Variants in SEL1L2 observed in about 807,000 individuals in gnomAD.
The protein encoded by SEL1L2 is protein sel-1 homolog 2.
SEL1L2 carries 89 observed loss-of-function variants against 98.8 expected under a neutral mutation model. The observed-to-expected ratio is 0.90, with a 90% CI of 0.76 to 1.07. The LOEUF is 1.07. SEL1L2 is among the 50% of genes least tolerant of loss of function. The pLI is 0.00. For synonymous variants in SEL1L2, 262 were observed against 278.5 expected, an observed-to-expected ratio of 0.94 and a Z score of 0.59; for missense variants, 788 against 812.0, an observed-to-expected ratio of 0.97 and a Z score of 0.36.
intron 1 of SEL1L2, among the ~76,000 whole-genome samples, chr20:13,960,698 G>C (rs1163859964): frequency 6.6e-6 from 1 of 152,084 alleles, no homozygotes; most frequent in African/African-American, 2.4e-5. Flanking sequence ...GTGATTGCTA[G>C]AGATCTGCAC....
intron 14 of SEL1L2, among the ~76,000 whole-genome samples, chr20:13,867,275 G>C (rs1381586215): frequency 7.2e-5 from 11 of 152,128 alleles, no homozygotes; most frequent in Admixed American, 7.2e-4. Context: ...TATGCAGCAG[G>C]TAAATCCCAG....
intron 5 of SEL1L2, among the ~76,000 whole-genome samples, chr20:13,897,413 T>A (rs2047469337): frequency 6.6e-6 from 1 of 152,128 alleles, no homozygotes; most frequent in South Asian, 2.1e-4. Context: ...AGTGGGACTA[T>A]ACCAAACTTT....
intron 2 of SEL1L2, among the ~76,000 whole-genome samples, chr20:13,934,039 T>C (rs1296264992): frequency 6.7e-6 from 1 of 150,122 alleles, no homozygotes; most frequent in Non-Finnish European, 1.5e-5. Context: ...TCTTTCATGG[T>C]GATTTGTGAG....
chr20:13,876,500 G>A (rs150065327), intron 11 of SEL1L2, among the ~76,000 whole-genome samples: 1 of 150,152 alleles, frequency 6.7e-6, no homozygotes, highest in East Asian at 2.0e-4. Context: ...CAAATCGGCT[G>A]CAGGGAGCCA....
chr20:13,865,544 T>C, intron 15 of SEL1L2, 30 bp from the exon 16 acceptor site: 1 of 1,592,232 alleles, frequency 6.3e-7, no homozygotes. Context: ...TCAAGGAGAC[T>C]AGTTAGCCAG....
chr20:13,872,597 C>T (rs2046253978), intron 12 of SEL1L2, among the ~76,000 whole-genome samples: 1 of 151,630 alleles, frequency 6.6e-6, no homozygotes, highest in Admixed American at 6.6e-5. Flanking sequence ...TGAGAACGGA[C>T]TAATACAGAA....
intron 18 of SEL1L2, among the ~76,000 whole-genome samples, chr20:13,854,378 T>C (rs1988800566): frequency 6.6e-6 from 1 of 152,246 alleles, no homozygotes. Context: ...AAAAAGGTTG[T>C]CATATGTTTC....
At chr20:13,981,441 G>T (rs1253780464) in intron 1 of SEL1L2, among the ~76,000 whole-genome samples, 3 of 152,136 alleles carry the variant, frequency 2.0e-5, no homozygotes, top group Non-Finnish European at 2.9e-5. Context: ...TAAAATAGTA[G>T]ATTTCAAATG....
chr20:13,970,554 CG>C lies in SEL1L2; in HGVS notation c.59-14424del, dbSNP rs542568728. 3.6e-3 allele frequency among the ~76,000 whole-genome samples: 548 copies of C among 152,254 alleles called. 1 individual carries two copies. Among genetic ancestry groups the C allele is most frequent in the Non-Finnish European group, 6.7e-3 (453 of 68,030 alleles). ...ATGTTATATATAATACTGCCATGGC[CG>C]GATGCAGTGGCTCACGCCTCTAATC... On this transcript the variant is annotated intron_variant, in intron 1 of 19. Coordinates refer to ENST00000284951, the MANE Select transcript of SEL1L2 (RefSeq NM_025229.2).
At chr20:13,956,608 T>C (rs1168990583) in intron 1 of SEL1L2, among the ~76,000 whole-genome samples, 1 of 152,170 alleles carries the variant, frequency 6.6e-6, no homozygotes, top group Non-Finnish European at 1.5e-5. Flanking sequence ...CTGAGAAATG[T>C]AGACTGATAA....
At chr20:13,900,766 G>A (rs1372562623) in intron 5 of SEL1L2, among the ~76,000 whole-genome samples, 1 of 152,066 alleles carries the variant, frequency 6.6e-6, no homozygotes, top group Non-Finnish European at 1.5e-5. Flanking sequence ...CACTACCTCC[G>A]GTGTCCTCCT....
chr20:13,964,721 T>C (rs951000226), intron 1 of SEL1L2, among the ~76,000 whole-genome samples: 2 of 152,244 alleles, frequency 1.3e-5, no homozygotes, highest in East Asian at 3.9e-4. Flanking sequence ...TCCAAAGTGC[T>C]GGCGGCCATC....
In SEL1L2 at chr20:13,906,300, A is replaced by T. The variant is rs142606721; in HGVS notation, c.549+7482T>A. 1.8e-4 allele frequency among the ~76,000 whole-genome samples: 28 copies of T among 152,306 alleles called. 1 individual carries two copies. The East Asian group carries it at 4.2e-3, about 23-fold the overall frequency. ...AATATTTTACTGTACTTCAAAGTAAATTACTCAAGTTCCATAATAACAATT... is the reference window on the plus strand; with the variant it reads ...AATATTTTACTGTACTTCAAAGTAATTTACTCAAGTTCCATAATAACAATT... On this transcript the variant is annotated intron_variant, in intron 5 of 19. Transcript: ENST00000284951.
At chr20:13,964,446 CATTTTT>C (rs1340854918) in intron 1 of SEL1L2, among the ~76,000 whole-genome samples, 2 of 105,362 alleles carry the variant, frequency 1.9e-5, no homozygotes, top group Non-Finnish European at 3.7e-5. Context: ...GCTATCTCTT[CATTTTT>C]TTTTTTTTTT....
chr20:13,872,604 A>G (rs539459633), intron 12 of SEL1L2, among the ~76,000 whole-genome samples: 26 of 152,278 alleles, frequency 1.7e-4, no homozygotes, highest in Middle Eastern at 3.4e-3. Context: ...GGACTAATAC[A>G]GAAGGGAAGG....
intron 12 of SEL1L2, among the ~76,000 whole-genome samples, chr20:13,872,563 T>C (rs1417717977): frequency 1.3e-5 from 2 of 152,084 alleles, no homozygotes; most frequent in Admixed American, 1.3e-4. Flanking sequence ...TTACCCAGTC[T>C]TGGGTATGTC....
chr20:13,860,881 A>G (rs1171293990), intron 17 of SEL1L2, among the ~76,000 whole-genome samples: 1 of 152,102 alleles, frequency 6.6e-6, no homozygotes, highest in African/African-American at 2.4e-5. Context: ...GAGATTTCCT[A>G]GCACCCTACA....
intron 1 of SEL1L2, among the ~76,000 whole-genome samples, chr20:13,966,138 A>C (rs561502839): frequency 2.6e-5 from 4 of 152,150 alleles, no homozygotes; most frequent in Non-Finnish European, 5.9e-5. Flanking sequence ...TTCAAATTAT[A>C]AAAAATGCAG....
chr20:13,850,093 G>A (rs963317181), intron 19 of SEL1L2, 98 bp downstream of exon 19: 11 of 1,411,010 alleles, frequency 7.8e-6, no homozygotes, highest in Non-Finnish European at 1.1e-5. Flanking sequence ...AGGAAAGCCA[G>A]TCCACAAGAG....
Sources: allele counts gnomAD v4.1 joint callset (sites outside exome capture counted in the v4.1 genomes callset), GRCh38; gene constraint gnomAD v4.1.1; transcripts MANE v1.5; gene names NCBI Gene and HGNC (gene_info 2026-07-23, HGNC 2026-07-21).